Variants in TMEM132D observed in about 807,000 individuals in gnomAD.
TMEM132D encodes transmembrane protein 132D, also known as mature OL transmembrane protein.
Under a neutral mutation model 62.3 loss-of-function variants are expected in TMEM132D, and 21 were observed. The observed-to-expected ratio is 0.34, with a 90% CI of 0.24 to 0.49. TMEM132D has a LOEUF of 0.49. Ranked by LOEUF, TMEM132D falls within the 20% of genes least tolerant of loss-of-function variation. The pLI is 0.99. For missense variants in TMEM132D, 1,346 were observed against 1,402.8 expected (o/e 0.96, Z 0.65); for synonymous variants, 621 against 575.6 (o/e 1.08, Z -1.13).
At chr12:129,122,783 G>A (rs1310557947) in intron 5 of TMEM132D, among the ~76,000 whole-genome samples, 1 of 152,166 alleles carries the variant, frequency 6.6e-6, no homozygotes, top group Non-Finnish European at 1.5e-5. Context: ...TGCAAAATAG[G>A]TTTTATCAGA....
intron 1 of TMEM132D, among the ~76,000 whole-genome samples, chr12:129,778,114 C>CAAAA (rs35384142): frequency 1.5e-4 from 13 of 85,310 alleles, no homozygotes; most frequent in Admixed American, 5.0e-4. Flanking sequence ...GACCCTGTCT[C>CAAAA]AAAAAAAAAA....
At chr12:129,414,569 G>C (rs1047357416) in intron 3 of TMEM132D, among the ~76,000 whole-genome samples, 1 of 152,202 alleles carries the variant, frequency 6.6e-6, no homozygotes, top group African/African-American at 2.4e-5. Flanking sequence ...TGTGCTGATA[G>C]ACACATATGT....
intron 4 of TMEM132D, among the ~76,000 whole-genome samples, chr12:129,289,478 A>T (rs1310997470): frequency 2.8e-5 from 4 of 143,774 alleles, no homozygotes; most frequent in Admixed American, 2.2e-4. Context: ...TGGGAGGTGG[A>T]GGTTGCAGTG....
chr12:129,614,006 G>C (rs567628120), intron 2 of TMEM132D, among the ~76,000 whole-genome samples: 1 of 151,138 alleles, frequency 6.6e-6, no homozygotes, highest in East Asian at 2.0e-4. Context: ...GAACCCAGGC[G>C]ACTGACTCCA....
intron 4 of TMEM132D, among the ~76,000 whole-genome samples, chr12:129,271,906 A>C (rs1880862505): frequency 6.6e-6 from 1 of 151,854 alleles, no homozygotes; most frequent in Non-Finnish European, 1.5e-5. Flanking sequence ...AATGTTTTAT[A>C]ATCCTTTGGG....
chr12:129,531,992 G>A (rs1876239623), intron 2 of TMEM132D, among the ~76,000 whole-genome samples: 1 of 152,112 alleles, frequency 6.6e-6, no homozygotes, highest in Non-Finnish European at 1.5e-5. Context: ...GGAGGCGGAG[G>A]CTGCAGTGAG....
chr12:129,674,448 T>G (rs1442390549), intron 2 of TMEM132D, among the ~76,000 whole-genome samples: 1 of 152,218 alleles, frequency 6.6e-6, no homozygotes, highest in East Asian at 1.9e-4. Context: ...TCCCAACAAA[T>G]CATGTCCATC....
intron 3 of TMEM132D, among the ~76,000 whole-genome samples, chr12:129,382,724 A>G (rs1870986061): frequency 6.6e-6 from 1 of 152,162 alleles, no homozygotes; most frequent in South Asian, 2.1e-4. Context: ...TTTTATGAAT[A>G]CAGAGGCTTT....
chr12:129,435,823 G>C (rs1872771573), intron 3 of TMEM132D, among the ~76,000 whole-genome samples: 1 of 152,214 alleles, frequency 6.6e-6, no homozygotes, highest in Non-Finnish European at 1.5e-5. Context: ...ACAGTGCAGA[G>C]ACTACAATAT....
chr12:129,567,259 A>G (rs1484151164), intron 2 of TMEM132D, among the ~76,000 whole-genome samples: 1 of 152,232 alleles, frequency 6.6e-6, no homozygotes, highest in East Asian at 1.9e-4. Flanking sequence ...CAACATTTGG[A>G]AGTGCAACAT....
chr12:129,791,662 C>G (rs554715260), intron 1 of TMEM132D, among the ~76,000 whole-genome samples: 5 of 152,220 alleles, frequency 3.3e-5, no homozygotes, highest in South Asian at 2.1e-4. Context: ...ATTAACCCCC[C>G]CAGTCACCAA....
chr12:129,632,206 T>C (rs1332192084), intron 2 of TMEM132D, among the ~76,000 whole-genome samples: 1 of 152,206 alleles, frequency 6.6e-6, no homozygotes, highest in Non-Finnish European at 1.5e-5. Flanking sequence ...GCGGAGAAGC[T>C]GAGCCTGAGC....
intron 2 of TMEM132D, among the ~76,000 whole-genome samples, chr12:129,574,230 G>A (rs1261255238): frequency 3.3e-5 from 5 of 151,946 alleles, no homozygotes; most frequent in African/African-American, 1.2e-4. Context: ...CAGATTGATA[G>A]ATATGTGATA....
chr12:129,587,869 A>T (rs7302275), intron 2 of TMEM132D, among the ~76,000 whole-genome samples: 147,919 of 152,282 alleles, frequency 0.97, 71,988 homozygotes, highest in East Asian at 1. Flanking sequence ...AATCGCACGC[A>T]TGGTGCCTCA....
At position 129,086,201 on chromosome 12, in the gene TMEM132D, C is replaced by CGCGTGT. The variant is rs1349816832; in HGVS notation, c.1444-1500_1444-1499insACACGC. On this transcript the variant is annotated intron_variant, in intron 5 of 8. Transcript: ENST00000422113. ...ATCACCTCACATAGTCACGCGCGCG[C>CGCGTGT]GTGTGTGTGTGTGTGTGTGTGTGTG... Among the ~76,000 whole-genome samples the CGCGTGT allele has an allele frequency of 2.5e-3, 347 of 141,130 alleles. 1 individual carries two copies. The highest frequency in any genetic ancestry group is 7.2e-3 in the Middle Eastern group (2 of 276). The allele number at this position is 141,130 out of a possible 152,430, so 92.6% of individuals were successfully genotyped here.
Position 129,095,323 on chromosome 12 carries a change from C to G in TMEM132D, c.1444-10621G>C, listed in dbSNP as rs995226434. 2.0e-5 allele frequency among the ~76,000 whole-genome samples: 3 copies of G among 149,488 alleles called. No individual in the cohort carries two copies. The East Asian group carries it at 5.9e-4, about 30-fold the overall frequency. ...AAAATGAGGTCACTAACATAGGCCCCTAACACCACAATATGCCTGCTGGTT... is the reference window on the plus strand; with the variant it reads ...AAAATGAGGTCACTAACATAGGCCCGTAACACCACAATATGCCTGCTGGTT... On this transcript the variant is annotated intron_variant, in intron 5 of 8. Transcript: ENST00000422113.
At chr12:129,386,150 A>C (rs1477050772) in intron 3 of TMEM132D, among the ~76,000 whole-genome samples, 1 of 152,096 alleles carries the variant, frequency 6.6e-6, no homozygotes. Flanking sequence ...GATATGTGAC[A>C]CTCTTTAATG....
chr12:129,757,382 T>C (rs566685901), intron 1 of TMEM132D, among the ~76,000 whole-genome samples: 282 of 152,282 alleles, frequency 1.9e-3, no homozygotes, highest in Non-Finnish European at 3.2e-3. Context: ...AGGTTGCCAA[T>C]TTTGTTTTTC....
At chr12:129,377,520 C>G (rs1377434581) in intron 3 of TMEM132D, among the ~76,000 whole-genome samples, 1 of 152,146 alleles carries the variant, frequency 6.6e-6, no homozygotes, top group Non-Finnish European at 1.5e-5. Context: ...TTAAAACAAA[C>G]AGCAGAATAA....
Sources: gnomAD v4.1 joint callset for allele counts (sites outside exome capture counted in the v4.1 genomes callset) on GRCh38, gnomAD v4.1.1 for gene constraint, MANE v1.5 for transcripts, NCBI Gene and HGNC (gene_info 2026-07-23, HGNC 2026-07-21) for gene names.